Variants in PCDH11Y observed in about 807,000 individuals in gnomAD.
PCDH11Y encodes protocadherin 11 Y-linked.
For synonymous variants in PCDH11Y, 9 were observed against 83.6 expected, an observed-to-expected ratio of 0.11 and a Z score of 4.87; for missense variants, 12 against 224.8, an observed-to-expected ratio of 0.05 and a Z score of 6.05.
At chrY:5,456,512 G>C in intron 2 of PCDH11Y, among the ~76,000 whole-genome samples, 1 of 33,620 alleles carries the variant, frequency 3.0e-5, no homozygotes, top group Non-Finnish European at 7.3e-5. Flanking sequence ...TTACCAAAAA[G>C]ACACATGCAC....
Position 5,541,955 on chromosome Y carries a change from G to C in PCDH11Y, c.3329-39820G>C, listed in dbSNP as rs1602940713. On this transcript the variant is annotated intron_variant, in intron 3 of 4. Transcript: ENST00000400457. ...ATTTCACCATCTCTTCAGAGGAAGA[G>C]AGCTTTTGTGACAAATATGGTAGGG... Among the ~76,000 whole-genome samples, 11 of 30,998 alleles carry C rather than the reference G, an allele frequency of 3.5e-4. No individual in the cohort carries two copies. In the East Asian group the frequency reaches 7.6e-3, roughly 21 times the overall value. 83.2% of individuals were successfully genotyped at this position (30,998 alleles called of 37,273 possible).
upstream of PCDH11Y, among the ~76,000 whole-genome samples, chrY:5,055,019 A>G: frequency 3.0e-5 from 1 of 33,463 alleles, no homozygotes; most frequent in Non-Finnish European, 7.4e-5. Flanking sequence ...TAGGAAAGTC[A>G]TTGAATTCAT....
At chrY:5,595,104 G>A in intron 4 of PCDH11Y, among the ~76,000 whole-genome samples, 1 of 22,441 alleles carries the variant, frequency 4.5e-5, no homozygotes, top group African/African-American at 1.8e-4. Flanking sequence ...GGCCAGGAAC[G>A]AGTCCTGCTG....
intron 3 of PCDH11Y, among the ~76,000 whole-genome samples, chrY:5,042,033 C>T: frequency 6.1e-5 from 2 of 32,859 alleles, no homozygotes; most frequent in South Asian, 6.7e-4. Context: ...GAGTAGGTTG[C>T]GAAAATTTTC....
intron 4 of PCDH11Y, among the ~76,000 whole-genome samples, chrY:5,677,124 C>G: frequency 3.2e-5 from 1 of 31,009 alleles, no homozygotes; most frequent in South Asian, 7.6e-4. Context: ...ACAATTATGG[C>G]AAAAGGCAAA....
chrY:5,636,212 T>C, intron 4 of PCDH11Y, among the ~76,000 whole-genome samples: 1 of 33,909 alleles, frequency 2.9e-5, no homozygotes, highest in African/African-American at 1.1e-4. Flanking sequence ...GATTGATTTA[T>C]GTGAGGTATT....
At chrY:5,594,196 C>A in intron 4 of PCDH11Y, among the ~76,000 whole-genome samples, 1 of 32,345 alleles carries the variant, frequency 3.1e-5, no homozygotes, top group Non-Finnish European at 7.6e-5. Flanking sequence ...AAGGGCTGGA[C>A]GCTGTCAGGT....
chrY:5,140,363 A>G (rs2052846986), intron 2 of PCDH11Y, among the ~76,000 whole-genome samples: 1 of 31,340 alleles, frequency 3.2e-5, no homozygotes. Context: ...GAAGAAAAGT[A>G]GTTTATTTTT....
intron 2 of PCDH11Y, among the ~76,000 whole-genome samples, chrY:5,143,290 T>TA: frequency 3.0e-5 from 1 of 33,191 alleles, no homozygotes; most frequent in South Asian, 6.5e-4. Context: ...AAAAAGAAAG[T>TA]AAAAAAAATG....
At chrY:5,330,150 G>T in intron 2 of PCDH11Y, among the ~76,000 whole-genome samples, 1 of 32,410 alleles carries the variant, frequency 3.1e-5, no homozygotes, top group Non-Finnish European at 7.5e-5. Flanking sequence ...AGTCAAAGGG[G>T]GTTTGTTCTC....
chrY:5,482,472 T>C, intron 2 of PCDH11Y, among the ~76,000 whole-genome samples: 5 of 33,776 alleles, frequency 1.5e-4, no homozygotes, highest in African/African-American at 4.6e-4. Context: ...ATATTTTTGG[T>C]GAATAGACAT....
intron 2 of PCDH11Y, among the ~76,000 whole-genome samples, chrY:5,484,240 T>C (rs2053329473): frequency 3.1e-5 from 1 of 32,171 alleles, no homozygotes; most frequent in South Asian, 7.2e-4. Flanking sequence ...AGCAATGCAT[T>C]ATAAGTATTT....
rs879120664 is a variant in PCDH11Y, at chrY:5,552,125, C to T, written c.3329-29650C>T. ...CTTGATATACTTGGACTTACTTGGA[C>T]GTATATGTCATGACACCAGAAGTAG... On this transcript the variant is annotated intron_variant, in intron 3 of 4. Transcript: ENST00000400457. Among the ~76,000 whole-genome samples, 5 of 32,870 alleles carry T rather than the reference C, an allele frequency of 1.5e-4. No individual in the cohort carries two copies. In the South Asian group the frequency reaches 2.7e-3, roughly 18 times the overall value. 88.2% of individuals were successfully genotyped at this position (32,870 alleles called of 37,273 possible).
At chrY:5,629,402 A>G in intron 4 of PCDH11Y, among the ~76,000 whole-genome samples, 1 of 34,633 alleles carries the variant, frequency 2.9e-5, no homozygotes, top group African/African-American at 1.1e-4. Flanking sequence ...CATCTTGTCT[A>G]TAGAGGTATC....
intron 1 of PCDH11Y, among the ~76,000 whole-genome samples, chrY:5,092,312 C>A: frequency 6.0e-5 from 2 of 33,146 alleles, no homozygotes; most frequent in Non-Finnish European, 7.5e-5. Context: ...CTTAGTATGA[C>A]TTTAAAGTAG....
downstream of PCDH11Y, among the ~76,000 whole-genome samples, chrY:5,106,389 G>A: frequency 3.5e-5 from 1 of 28,404 alleles, no homozygotes; most frequent in African/African-American, 1.4e-4. Context: ...ATTTAGAAAA[G>A]GTTTATGCTC....
chrY:5,689,088 C>A, intron 4 of PCDH11Y, among the ~76,000 whole-genome samples: 1 of 27,421 alleles, frequency 3.6e-5, no homozygotes, highest in African/African-American at 1.5e-4. Flanking sequence ...ATCCCAGCCA[C>A]TCAGGAGGCT....
At chrY:5,012,113 T>A in intron 1 of PCDH11Y, among the ~76,000 whole-genome samples, 1 of 30,073 alleles carries the variant, frequency 3.3e-5, no homozygotes, top group Non-Finnish European at 7.9e-5. Context: ...CTTGAGTGTC[T>A]GCCAAAATTG....
chrY:5,318,805 T>C (rs2558195), intron 2 of PCDH11Y, among the ~76,000 whole-genome samples: 1 of 30,843 alleles, frequency 3.2e-5, no homozygotes, highest in African/African-American at 1.3e-4. Flanking sequence ...TGACATCCCA[T>C]ACACTGGTTT....
Sources: gnomAD v4.1 joint callset for allele counts (sites outside exome capture counted in the v4.1 genomes callset) on GRCh38, gnomAD v4.1.1 for gene constraint, MANE v1.5 for transcripts, NCBI Gene and HGNC (gene_info 2026-07-23, HGNC 2026-07-21) for gene names.